The following ELMOD1 variants were observed in gnomAD, a reference collection of about 807,000 sequenced individuals.
ELMOD1 encodes the protein ELMO domain-containing protein 1.
ELMOD1 carries 21 observed loss-of-function variants against 46.7 expected under a neutral mutation model. That is an observed-to-expected ratio of 0.45 (90% CI 0.32 to 0.65). The LOEUF is 0.65. Ranked by LOEUF, ELMOD1 falls within the 30% of genes least tolerant of loss-of-function variation. ELMOD1 has a pLI of 0.04. For synonymous variants in ELMOD1, 122 were observed against 138.2 expected (o/e 0.88, Z 0.82); for missense variants, 348 against 407.8 (o/e 0.85, Z 1.26).
intron 10 of ELMOD1, 69 bp downstream of exon 10, chr11:107,654,291 A>G: frequency 1.5e-6 from 2 of 1,350,052 alleles, no homozygotes; most frequent in Non-Finnish European, 2.1e-6. Context: ...CTAGAGTATC[A>G]TGAAAGACAA....
chr11:107,615,652 C>G (rs1477198342), intron 1 of ELMOD1, among the ~76,000 whole-genome samples: 1 of 152,150 alleles, frequency 6.6e-6, no homozygotes, highest in Non-Finnish European at 1.5e-5. Context: ...TACCTAATGT[C>G]CTTTTTTCTA....
At chr11:107,628,401 T>C (rs1034147140) in intron 2 of ELMOD1, among the ~76,000 whole-genome samples, 6 of 151,992 alleles carry the variant, frequency 3.9e-5, no homozygotes, top group African/African-American at 1.4e-4. Flanking sequence ...TCTTGACCTC[T>C]TGATCCACCC....
At chr11:107,597,513 A>G (rs1565367132) in intron 1 of ELMOD1, among the ~76,000 whole-genome samples, 1 of 152,182 alleles carries the variant, frequency 6.6e-6, no homozygotes, top group Non-Finnish European at 1.5e-5. Context: ...GCCACCTATC[A>G]AAGAGAGAGA....
At chr11:107,612,218 G>A (rs924284510) in intron 1 of ELMOD1, among the ~76,000 whole-genome samples, 1 of 152,100 alleles carries the variant, frequency 6.6e-6, no homozygotes, top group Non-Finnish European at 1.5e-5. Context: ...GAAGCAACAT[G>A]GATACAGCTG....
chr11:107,629,077 T>G (rs1401515310), intron 2 of ELMOD1, among the ~76,000 whole-genome samples: 1 of 152,302 alleles, frequency 6.6e-6, no homozygotes, highest in East Asian at 1.9e-4. Flanking sequence ...TGCAGCAGCT[T>G]GGTTGTTTTG....
At chr11:107,645,930 TA>T (rs910399255) in intron 6 of ELMOD1, among the ~76,000 whole-genome samples, 1 of 152,258 alleles carries the variant, frequency 6.6e-6, no homozygotes, top group Non-Finnish European at 1.5e-5. Flanking sequence ...CTGTGTCAGG[TA>T]TGTGACAATT....
chr11:107,642,599 G>A (rs370931526), intron 6 of ELMOD1, among the ~76,000 whole-genome samples: 12 of 151,888 alleles, frequency 7.9e-5, no homozygotes, highest in Admixed American at 2.0e-4. Context: ...TTCAACTCCC[G>A]ACCTCGTGAT....
chr11:107,656,848 A>G (rs1395262794), intron 11 of ELMOD1, among the ~76,000 whole-genome samples: 1 of 152,184 alleles, frequency 6.6e-6, no homozygotes, highest in Non-Finnish European at 1.5e-5. Context: ...AAGGATTAGA[A>G]GATTAAGTTG....
chr11:107,607,049 C>T (rs1339507225), intron 1 of ELMOD1, among the ~76,000 whole-genome samples: 1 of 152,136 alleles, frequency 6.6e-6, no homozygotes, highest in Non-Finnish European at 1.5e-5. Flanking sequence ...CATATAAATA[C>T]AGAATAGCGT....
At chr11:107,618,588 A>C (rs1417762176) in intron 2 of ELMOD1, among the ~76,000 whole-genome samples, 2 of 152,204 alleles carry the variant, frequency 1.3e-5, no homozygotes, top group Admixed American at 6.5e-5. Flanking sequence ...ATCCTTTTAA[A>C]TATCCTTTAA....
intron 6 of ELMOD1, among the ~76,000 whole-genome samples, chr11:107,636,834 T>G (rs2135695564): frequency 6.6e-6 from 1 of 152,350 alleles, no homozygotes; most frequent in South Asian, 2.1e-4. Flanking sequence ...GAATTTTATC[T>G]CTTTTATATT....
At chr11:107,655,838 CGT>C (rs1229388768) in intron 10 of ELMOD1, 93 bp from the exon 11 acceptor site, 2 of 1,318,092 alleles carry the variant, frequency 1.5e-6, no homozygotes, top group Non-Finnish European at 1.0e-6. Flanking sequence ...TGTACACTGT[CGT>C]GGCACTGGTA....
At chr11:107,664,094 A>G (rs1233420458) in intron 11 of ELMOD1, among the ~76,000 whole-genome samples, 1 of 152,070 alleles carries the variant, frequency 6.6e-6, no homozygotes, top group Non-Finnish European at 1.5e-5. Context: ...CAGGTGATCC[A>G]CCTCAGCCTC....
At chr11:107,651,519 C>G (rs1866525823) in intron 9 of ELMOD1, among the ~76,000 whole-genome samples, 1 of 152,194 alleles carries the variant, frequency 6.6e-6, no homozygotes, top group South Asian at 2.1e-4. Context: ...TTTACTCATT[C>G]TAGCTTCATT....
rs188292153 is a variant in ELMOD1 at position 107,626,195 on chromosome 11, T to C, written c.18-4222T>C. ...TATTGCCCAATTAAAACTAAGCTTATTGGTTTCCTGATTCAGCCTAGGAGG... is the reference window on the plus strand; with the variant it reads ...TATTGCCCAATTAAAACTAAGCTTACTGGTTTCCTGATTCAGCCTAGGAGG... On this transcript the variant is annotated intron_variant, in intron 2 of 11. Transcript: ENST00000265840. Among the ~76,000 whole-genome samples, 322 of 152,092 alleles carry C rather than the reference T, an allele frequency of 2.1e-3. 2 individuals carry two copies. The highest frequency in any genetic ancestry group is 7.4e-3 in the African/African-American group (308 of 41,504).
chr11:107,656,530 C>A (rs1866636915), intron 11 of ELMOD1, among the ~76,000 whole-genome samples: 1 of 151,104 alleles, frequency 6.6e-6, no homozygotes, highest in Non-Finnish European at 1.5e-5. Flanking sequence ...GTAGAACACT[C>A]CAGACAAGGG....
chr11:107,660,482 C>T (rs651147), intron 11 of ELMOD1, among the ~76,000 whole-genome samples: 1 of 152,074 alleles, frequency 6.6e-6, no homozygotes, highest in Non-Finnish European at 1.5e-5. Context: ...AAAGTACAAA[C>T]GCCAGAAGGG....
chr11:107,642,255 T>G (rs1866338224), intron 6 of ELMOD1, among the ~76,000 whole-genome samples: 2 of 152,116 alleles, frequency 1.3e-5, no homozygotes, highest in African/African-American at 4.8e-5. Flanking sequence ...CACTCATTTT[T>G]TAATAGATGG....
intron 6 of ELMOD1, among the ~76,000 whole-genome samples, chr11:107,640,792 A>G (rs570075440): frequency 6.6e-6 from 1 of 152,312 alleles, no homozygotes; most frequent in African/African-American, 2.4e-5. Context: ...ACAGCATTCA[A>G]TAGATTATAA....
Sources: gnomAD v4.1 joint callset for allele counts (sites outside exome capture counted in the v4.1 genomes callset) on GRCh38, gnomAD v4.1.1 for gene constraint, MANE v1.5 for transcripts, NCBI Gene and HGNC (gene_info 2026-07-23, HGNC 2026-07-21) for gene names.